VTI1A: variants seen among roughly 807,000 people sequenced by gnomAD.
The protein encoded by VTI1A is vesicle transport through interaction with t-SNAREs homolog 1A.
A neutral mutation model predicts 34.9 loss-of-function variants in VTI1A; 22 were observed. The observed-to-expected ratio is 0.63, with a 90% CI of 0.45 to 0.90. The LOEUF is 0.90. Among genes scored for constraint, VTI1A ranks in the 40% least tolerant of loss-of-function variants. VTI1A has a pLI of 0.00. For missense variants in VTI1A, 268 were observed against 275.6 expected, an observed-to-expected ratio of 0.97 and a Z score of 0.20; for synonymous variants, 87 against 97.3, an observed-to-expected ratio of 0.89 and a Z score of 0.62.
intron 7 of VTI1A, among the ~76,000 whole-genome samples, chr10:112,759,436 A>AATG (rs1319669855): frequency 6.6e-6 from 1 of 152,138 alleles, no homozygotes; most frequent in Non-Finnish European, 1.5e-5. Flanking sequence ...CTGCTAATAA[A>AATG]CTTAATAAAA....
chr10:112,828,012 T>C, the VTI1A span, among the ~76,000 whole-genome samples: 1 of 152,206 alleles, frequency 6.6e-6, no homozygotes, highest in Non-Finnish European at 1.5e-5. Flanking sequence ...CTGGATAACC[T>C]ACTGATCTCC....
intron 3 of VTI1A, among the ~76,000 whole-genome samples, chr10:112,499,876 A>G (rs1177327025): frequency 6.6e-6 from 1 of 152,202 alleles, no homozygotes; most frequent in Non-Finnish European, 1.5e-5. Context: ...AATGAGGGCC[A>G]CATGGTCACT....
intron 7 of VTI1A, among the ~76,000 whole-genome samples, chr10:112,681,072 TC>T (rs1590062769): frequency 7.0e-6 from 1 of 142,948 alleles, no homozygotes; most frequent in African/African-American, 2.7e-5. Flanking sequence ...TCTCTTTTTT[TC>T]TTTTCTTTTT....
intron 7 of VTI1A, among the ~76,000 whole-genome samples, chr10:112,716,789 C>CA (rs1006743589): frequency 1.3e-4 from 19 of 151,752 alleles, no homozygotes; most frequent in African/African-American, 3.9e-4. Context: ...TTCCCAAATC[C>CA]AAAAAAAATT....
intron 5 of VTI1A, among the ~76,000 whole-genome samples, chr10:112,620,205 G>A (rs1367399485): frequency 6.6e-6 from 1 of 151,572 alleles, no homozygotes; most frequent in African/African-American, 2.4e-5. Context: ...AATCTCTTTG[G>A]GGTATTATTG....
In VTI1A at chr10:112,815,552, T is replaced by G; in HGVS notation, c.*169T>G. The G allele has an allele frequency of 1.6e-6, 1 of 609,462 alleles. No individual in the cohort carries two copies. The highest frequency in any genetic ancestry group is 2.9e-6 in the Non-Finnish European group (1 of 343,588). The allele number at this position is 609,462 out of a possible 1,614,324, so 37.8% of individuals were successfully genotyped here. A position where few individuals can be genotyped will look rare whatever the true frequency, so the allele number is the denominator to read the frequency against. On this transcript the variant is annotated 3_prime_UTR_variant, in exon 8 of 8. Transcript: ENST00000393077. ...AGTGTAAAAATATTTTCTATTCCTG[T>G]TTGCATGTGGGTTGGTTTCCTTTTC... is the stretch of plus-strand genomic sequence containing the variant.
At chr10:112,604,346 C>G (rs578128158) in intron 5 of VTI1A, among the ~76,000 whole-genome samples, 2 of 152,282 alleles carry the variant, frequency 1.3e-5, no homozygotes, top group African/African-American at 4.8e-5. Context: ...AGTTACAACA[C>G]CTAACACAAA....
At chr10:112,504,830 A>G (rs546795923) in intron 3 of VTI1A, among the ~76,000 whole-genome samples, 1 of 152,260 alleles carries the variant, frequency 6.6e-6, no homozygotes, top group East Asian at 1.9e-4. Context: ...TTGGTTAACT[A>G]ATAGGAGTAA....
At chr10:112,480,249 G>A (rs1005981112) in intron 3 of VTI1A, among the ~76,000 whole-genome samples, 3 of 152,164 alleles carry the variant, frequency 2.0e-5, no homozygotes, top group African/African-American at 7.2e-5. Flanking sequence ...AAATGAGGAA[G>A]CTGAAGCTAA....
chr10:112,739,512 G>C (rs75104663), intron 7 of VTI1A, among the ~76,000 whole-genome samples: 5,378 of 152,284 alleles, frequency 0.035, 145 homozygotes, highest in Middle Eastern at 0.082. Flanking sequence ...CATGTTAAGA[G>C]ACTTAACAGA....
intron 5 of VTI1A, among the ~76,000 whole-genome samples, chr10:112,593,310 CTG>C (rs1233035035): frequency 1.3e-5 from 2 of 152,208 alleles, no homozygotes; most frequent in African/African-American, 2.4e-5. Context: ...TTTCTGAAGA[CTG>C]TGAACAACTG....
intron 3 of VTI1A, among the ~76,000 whole-genome samples, chr10:112,511,726 C>A (rs909570860): frequency 2.1e-4 from 32 of 152,114 alleles, no homozygotes; most frequent in African/African-American, 7.7e-4. Flanking sequence ...CCTCCTAATT[C>A]AACTTTCCCA....
chr10:112,630,960 A>G (rs1846108093), intron 5 of VTI1A, among the ~76,000 whole-genome samples: 1 of 152,112 alleles, frequency 6.6e-6, no homozygotes, highest in Non-Finnish European at 1.5e-5. Flanking sequence ...CGTCTCTACT[A>G]AAAATACAAA....
intron 7 of VTI1A, among the ~76,000 whole-genome samples, chr10:112,811,370 C>G (rs1053456941): frequency 1.3e-5 from 2 of 152,128 alleles, no homozygotes; most frequent in African/African-American, 4.8e-5. Flanking sequence ...TTTCTTTAGC[C>G]AAAGCTAGTT....
chr10:112,842,052 T>TTTTTTTTTTC, the VTI1A span, among the ~76,000 whole-genome samples: 10 of 40,994 alleles, frequency 2.4e-4, no homozygotes, highest in African/African-American at 1.4e-3. Context: ...TTTTTTTTCC[T>TTTTTTTTTTC]TTTTTTTTTT....
At chr10:112,642,836 T>C (rs1232448918) in intron 5 of VTI1A, among the ~76,000 whole-genome samples, 4 of 152,234 alleles carry the variant, frequency 2.6e-5, no homozygotes, top group African/African-American at 9.6e-5. Flanking sequence ...GTACAGATAA[T>C]GAATTGAGTC....
At chr10:112,458,759 C>T (rs1364572512) in intron 1 of VTI1A, among the ~76,000 whole-genome samples, 1 of 151,860 alleles carries the variant, frequency 6.6e-6, no homozygotes, top group Non-Finnish European at 1.5e-5. Flanking sequence ...CTCTACCTCC[C>T]GGGTTCAAGC....
intron 5 of VTI1A, among the ~76,000 whole-genome samples, chr10:112,597,576 A>G (rs1844705362): frequency 6.7e-6 from 1 of 149,762 alleles, no homozygotes. Context: ...GTACAGTGGT[A>G]CATGCCTATA....
chr10:112,786,407 T>C (rs11196109), intron 7 of VTI1A, among the ~76,000 whole-genome samples: 49,313 of 152,044 alleles, frequency 0.32, 8,400 homozygotes, highest in Non-Finnish European at 0.39. Flanking sequence ...CTTCTTCCTT[T>C]CCAATCTGGG....
Sources: gnomAD v4.1 joint callset for allele counts (sites outside exome capture counted in the v4.1 genomes callset) on GRCh38, gnomAD v4.1.1 for gene constraint, MANE v1.5 for transcripts, NCBI Gene and HGNC (gene_info 2026-07-23, HGNC 2026-07-21) for gene names.